Variants in RPGRIP1 observed in about 807,000 individuals in gnomAD.
The protein encoded by RPGRIP1 is RPGR interacting protein 1, also known as X-linked retinitis pigmentosa GTPase regulator-interacting protein 1.
Under a neutral mutation model 157.9 loss-of-function variants are expected in RPGRIP1, and 128 were observed. That is an observed-to-expected ratio of 0.81 (90% confidence interval 0.70 to 0.94). RPGRIP1 has a LOEUF of 0.94. RPGRIP1 is among the 40% of genes least tolerant of loss of function. RPGRIP1 has a pLI of 0.00. For missense variants in RPGRIP1, 1,486 were observed against 1,545.8 expected (o/e 0.96, Z 0.65); for synonymous variants, 554 against 571.6 (o/e 0.97, Z 0.44).
rs1566347139 is a variant in RPGRIP1, at chr14:21,327,707, C to CT, written c.2796dup (p.Glu933Ter). ...GATTGGAAGTTTCCCTACATACCCC[C>CT]TGAGAGCTTCCTGAAACCAGAAGCT... On this transcript the variant is annotated frameshift_variant, in exon 18 of 25. Coordinates refer to ENST00000400017, the MANE Select transcript of RPGRIP1 (RefSeq NM_020366.4). LOFTEE classifies it high-confidence loss of function. The CT allele has an allele frequency of 6.2e-7, 1 of 1,613,916 alleles. No individual in the cohort carries two copies. The highest frequency in any genetic ancestry group is 8.5e-7 in the Non-Finnish European group (1 of 1,179,826).
intron 6 of RPGRIP1, among the ~76,000 whole-genome samples, chr14:21,305,957 C>T (rs1881281161): frequency 6.6e-6 from 1 of 151,910 alleles, no homozygotes; most frequent in South Asian, 2.1e-4. Flanking sequence ...AGAATTCAGG[C>T]AGTGTAATTT....
At position 21,297,622 on chromosome 14, in the gene RPGRIP1, T is replaced by C. The variant is rs192570759; in HGVS notation, c.218+2813T>C. 3.9e-3 allele frequency among the ~76,000 whole-genome samples: 598 copies of C among 152,224 alleles called. 1 individual carries two copies. The highest frequency in any genetic ancestry group is 8.4e-3 in the Admixed American group (128 of 15,274). Reference sequence around the variant, plus strand: ...AGGACCACCAGGAACATACCAACAGTTGAGCAAGCTGGGCTTATTCATTAC... The same window carrying C: ...AGGACCACCAGGAACATACCAACAGCTGAGCAAGCTGGGCTTATTCATTAC... On this transcript the variant is annotated intron_variant, in intron 3 of 24. Transcript: ENST00000400017.
At chr14:21,325,459 C>G in intron 16 of RPGRIP1, 76 bp downstream of exon 16, 1 of 1,348,022 alleles carries the variant, frequency 7.4e-7, no homozygotes, top group Non-Finnish European at 1.0e-6. Flanking sequence ...CAGTCTTCCA[C>G]TCTCAATAAG....
Position 21,287,966 on chromosome 14 carries a change from G to A in RPGRIP1, c.-11G>A. 2 of 1,598,870 alleles carry A rather than the reference G, an allele frequency of 1.3e-6. No homozygotes were observed. Among genetic ancestry groups the A allele is most frequent in the Non-Finnish European group, 1.7e-6 (2 of 1,167,340 alleles). On this transcript the variant is annotated 5_prime_UTR_variant, in exon 2 of 25. Coordinates refer to ENST00000400017, the MANE Select transcript of RPGRIP1 (RefSeq NM_020366.4). ...TCCTCTGGGATCTCTTACAGCTTGG[G>A]AACAGAGATCATGTCACATCTGGTG...
intron 19 of RPGRIP1, among the ~76,000 whole-genome samples, chr14:21,329,889 A>C (rs1883545977): frequency 6.6e-6 from 1 of 150,922 alleles, no homozygotes; most frequent in Non-Finnish European, 1.5e-5. Context: ...AGGCTGAGGC[A>C]TGCGGATCAC....
At chr14:21,300,110 A>T (rs1464390317) in intron 3 of RPGRIP1, among the ~76,000 whole-genome samples, 1 of 152,232 alleles carries the variant, frequency 6.6e-6, no homozygotes, top group Non-Finnish European at 1.5e-5. Context: ...AGCCTGACCA[A>T]CATGGAGAAA....
At chr14:21,333,985 C>T (rs189517362) in intron 20 of RPGRIP1, among the ~76,000 whole-genome samples, 544 of 147,182 alleles carry the variant, frequency 3.7e-3, no homozygotes, top group Non-Finnish European at 6.0e-3. Flanking sequence ...TGCAGTGGCT[C>T]GATCTTGGCT....
Position 21,343,106 on chromosome 14 carries a change from A to G in RPGRIP1, c.3410A>G (p.Glu1137Gly). 1 of 1,613,548 alleles carries G rather than the reference A, an allele frequency of 6.2e-7. No individual in the cohort carries two copies. Among genetic ancestry groups the G allele is most frequent in the Non-Finnish European group, 8.5e-7 (1 of 1,179,498 alleles). ...FYPEAEVMSD[E>G]NIKQVYVEYK... is the part of the protein sequence containing the mutation. ...CCAGAGGCAGAAGTGATGTCTGATG[A>G]GAACATAAAACAGGTGTATGTGGAG... The change falls in exon 22 of 25, where the codon GAG (glutamate) becomes GGG (glycine). Residue 1137 changes from glutamate to glycine, a missense_variant. By Grantham distance (98) the Glu-to-Gly change is moderately conservative. Transcript: ENST00000400017.
At position 21,311,868 on chromosome 14, in the gene RPGRIP1, A is replaced by G; in HGVS notation, c.975A>G (p.Gln325=). 1 of 1,611,196 alleles carries G rather than the reference A, an allele frequency of 6.2e-7. No homozygotes were observed. Among genetic ancestry groups the G allele is most frequent in the Admixed American group, 1.7e-5 (1 of 59,388 alleles). The change falls in exon 9 of 25, where the codon CAA becomes CAG. Residue 325 remains glutamine (Q), a synonymous_variant. Transcript: ENST00000400017. The part of the protein sequence containing the change: ...LSAAHEALLK[Q]VNELRAELKE... The stretch of plus-strand genomic sequence containing the variant: ...CAGCCCATGAGGCCCTCCTCAAGCA[A>G]GTGAATGAGCTCAGGGCAGAGCTGA...
intron 21 of RPGRIP1, among the ~76,000 whole-genome samples, chr14:21,338,232 T>TTAC (rs1257999704): frequency 6.6e-6 from 1 of 152,154 alleles, no homozygotes; most frequent in Non-Finnish European, 1.5e-5. Context: ...TTCTTAACAG[T>TTAC]TACTAATGAG....
intron 21 of RPGRIP1, among the ~76,000 whole-genome samples, chr14:21,338,992 C>T (rs559230633): frequency 4.0e-4 from 61 of 151,880 alleles, no homozygotes; most frequent in African/African-American, 1.0e-3. Context: ...AAAAATTAGC[C>T]GGGCGTGATG....
intron 21 of RPGRIP1, among the ~76,000 whole-genome samples, chr14:21,337,318 G>T (rs1346680993): frequency 6.6e-6 from 1 of 151,982 alleles, no homozygotes; most frequent in African/African-American, 2.4e-5. Flanking sequence ...GATGTGGCAA[G>T]ATTAAAATAA....
At chr14:21,310,551 A>G (rs373013143) in intron 7 of RPGRIP1, 33 bp from the exon 8 acceptor site, 382 of 1,171,026 alleles carry the variant, frequency 3.3e-4, no homozygotes, top group Non-Finnish European at 4.3e-4. Flanking sequence ...AAATTGATAA[A>G]TCAATAAAAT....
chr14:21,334,495 G>C, intron 20 of RPGRIP1, 110 bp from the exon 21 acceptor site: 1 of 761,722 alleles, frequency 1.3e-6, no homozygotes, highest in Non-Finnish European at 2.3e-6. Flanking sequence ...GCAAAATCTA[G>C]ACACTCGGAA....
At chr14:21,337,983 A>C (rs561493351) in intron 21 of RPGRIP1, among the ~76,000 whole-genome samples, 104 of 149,586 alleles carry the variant, frequency 7.0e-4, no homozygotes, top group Non-Finnish European at 1.1e-3. Context: ...GTGGTGCGAT[A>C]TCGGCTCACT....
At position 21,281,704 on chromosome 14, in the gene RPGRIP1, A is replaced by T. The variant is rs199665198; in HGVS notation, c.-39+1545A>T. 1.6e-3 allele frequency among the ~76,000 whole-genome samples: 208 copies of T among 133,968 alleles called. 1 individual carries two copies. Among genetic ancestry groups the T allele is most frequent in the African/African-American group, 3.0e-3 (102 of 33,856 alleles). The allele number at this position is 133,968 out of a possible 152,430, so 87.9% of individuals were successfully genotyped here. The stretch of plus-strand genomic sequence containing the variant: ...ACCTTGTCTCAAAAAAAAAAAAAAT[A>T]AATAATAATAATAATAATAATAATA... On this transcript the variant is annotated intron_variant, in intron 1 of 24. Coordinates refer to ENST00000400017, the MANE Select transcript of RPGRIP1 (RefSeq NM_020366.4).
chr14:21,345,268 T>G (rs2139350791), intron 23 of RPGRIP1, 71 bp downstream of exon 23: 1 of 1,046,700 alleles, frequency 9.6e-7, no homozygotes, highest in Non-Finnish European at 1.5e-6. Flanking sequence ...GAGTTTGGTT[T>G]TGTGCTGATG....
chr14:21,337,752 CATT>C (rs1433807583), intron 21 of RPGRIP1, among the ~76,000 whole-genome samples: 86 of 130,100 alleles, frequency 6.6e-4, no homozygotes, highest in Non-Finnish European at 1.2e-3. Context: ...CTAGGTTAAG[CATT>C]TTTTTTTTTT....
At chr14:21,298,321 G>A (rs1163227323) in intron 3 of RPGRIP1, among the ~76,000 whole-genome samples, 1 of 152,050 alleles carries the variant, frequency 6.6e-6, no homozygotes, top group Non-Finnish European at 1.5e-5. Flanking sequence ...CCAACGTGGT[G>A]AAACCCCGTC....
Sources: allele counts gnomAD v4.1 joint callset (sites outside exome capture counted in the v4.1 genomes callset), GRCh38; gene constraint gnomAD v4.1.1; transcripts MANE v1.5; gene names NCBI Gene and HGNC (gene_info 2026-07-23, HGNC 2026-07-21).